The following EPHA6 variants were observed in gnomAD, a reference collection of about 807,000 sequenced individuals.
EPHA6 encodes the protein EPH receptor A6.
EPHA6 carries 50 observed loss-of-function variants against 112.0 expected under a neutral mutation model. The observed-to-expected ratio is 0.45, with a 90% CI of 0.36 to 0.56. EPHA6 has a LOEUF of 0.56. Ranked by LOEUF, EPHA6 falls within the 20% of genes least tolerant of loss-of-function variation. The pLI, the probability that EPHA6 is intolerant of heterozygous loss-of-function variation, is 0.00. For missense variants in EPHA6, 1,280 were observed against 1,417.4 expected (o/e 0.90, Z 1.56); for synonymous variants, 529 against 490.7 (o/e 1.08, Z -1.03).
At chr3:97,415,649 A>C (rs1373163738) in intron 6 of EPHA6, among the ~76,000 whole-genome samples, 1 of 152,098 alleles carries the variant, frequency 6.6e-6, no homozygotes, top group Non-Finnish European at 1.5e-5. Context: ...TTGTTAAAGC[A>C]CTTGTCTTTG....
intron 3 of EPHA6, among the ~76,000 whole-genome samples, chr3:97,180,676 T>C (rs1030739171): frequency 6.6e-6 from 1 of 151,998 alleles, no homozygotes; most frequent in Non-Finnish European, 1.5e-5. Context: ...AATGGGAGAC[T>C]CACAACTCTG....
intron 9 of EPHA6, chr3:97,481,113 G>A: frequency 1.7e-6 from 1 of 576,874 alleles, no homozygotes; most frequent in South Asian, 1.6e-5. Flanking sequence ...ACTTTGGGAG[G>A]CCAAGGCAGG....
intron 3 of EPHA6, among the ~76,000 whole-genome samples, chr3:97,002,576 T>A (rs1301718707): frequency 1.3e-5 from 2 of 151,900 alleles, no homozygotes; most frequent in Non-Finnish European, 2.9e-5. Context: ...ATGTTGAATA[T>A]TATGTATTTT....
chr3:96,912,778 G>A (rs1327769615), intron 2 of EPHA6, among the ~76,000 whole-genome samples: 4 of 151,904 alleles, frequency 2.6e-5, no homozygotes, highest in African/African-American at 9.7e-5. Context: ...ATTTTATAGT[G>A]ATGAGGTCTC....
chr3:96,880,708 C>T (rs573178012), intron 2 of EPHA6, among the ~76,000 whole-genome samples: 42 of 152,190 alleles, frequency 2.8e-4, no homozygotes, highest in African/African-American at 8.4e-4. Flanking sequence ...ACCTCACGCG[C>T]TGGCAAACAC....
rs1209845794 is a variant in EPHA6, at chr3:97,758,890, G to A, written c.*10189G>A. Among the ~76,000 whole-genome samples the A allele has an allele frequency of 6.6e-6, 1 of 151,930 alleles. No individual in the cohort carries two copies. Among genetic ancestry groups the A allele is most frequent in the Non-Finnish European group, 1.5e-5 (1 of 67,848 alleles). On this transcript the variant is annotated 3_prime_UTR_variant, in exon 18 of 18. Coordinates refer to ENST00000389672, the MANE Select transcript of EPHA6 (RefSeq NM_001080448.3). ...AACAGTGTTCTTGGTACACTGAAAT[G>A]AGGCAAAAAGAGGAGAAGGTATACG...
At chr3:97,176,935 T>G (rs2076852435) in intron 3 of EPHA6, among the ~76,000 whole-genome samples, 1 of 151,894 alleles carries the variant, frequency 6.6e-6, no homozygotes, top group African/African-American at 2.4e-5. Flanking sequence ...TTGGGTTTGG[T>G]TTGCTCTTGC....
intron 2 of EPHA6, among the ~76,000 whole-genome samples, chr3:96,948,344 C>T (rs755625712): frequency 1.8e-4 from 28 of 152,144 alleles, no homozygotes; most frequent in Non-Finnish European, 2.9e-4. Flanking sequence ...TTCCTCCACC[C>T]ATATTCCTTT....
chr3:97,007,188 G>GT (rs1400765496), intron 3 of EPHA6, among the ~76,000 whole-genome samples: 1 of 152,032 alleles, frequency 6.6e-6, no homozygotes, highest in Non-Finnish European at 1.5e-5. Context: ...CATCTGTCTA[G>GT]TACTGAGAGT....
intron 5 of EPHA6, among the ~76,000 whole-genome samples, chr3:97,373,895 C>A (rs1027885991): frequency 6.6e-6 from 1 of 151,958 alleles, no homozygotes; most frequent in Non-Finnish European, 1.5e-5. Context: ...TTATATGAAG[C>A]CCTTGCTGGA....
intron 5 of EPHA6, among the ~76,000 whole-genome samples, chr3:97,385,247 T>G (rs1172324428): frequency 6.6e-6 from 1 of 152,202 alleles, no homozygotes; most frequent in African/African-American, 2.4e-5. Flanking sequence ...AGGGTCTTAT[T>G]TAAGTATCTT....
chr3:97,748,074 T>C (rs1454731213), intron 17 of EPHA6, among the ~76,000 whole-genome samples: 3 of 152,094 alleles, frequency 2.0e-5, no homozygotes, highest in Admixed American at 2.0e-4. Flanking sequence ...TCATATTAAA[T>C]TGCCATTGTT....
chr3:97,572,254 C>T (rs1425249923), intron 11 of EPHA6, among the ~76,000 whole-genome samples: 7 of 151,282 alleles, frequency 4.6e-5, no homozygotes, highest in Admixed American at 3.3e-4. Flanking sequence ...AGGTTCATGC[C>T]ATTCTCCCGC....
chr3:97,212,815 C>T (rs1041918676), intron 3 of EPHA6, among the ~76,000 whole-genome samples: 8 of 152,108 alleles, frequency 5.3e-5, no homozygotes, highest in Non-Finnish European at 1.0e-4. Context: ...AATATATATT[C>T]ATTTCAGGAT....
chr3:97,607,275 T>G (rs1236674285), intron 12 of EPHA6, among the ~76,000 whole-genome samples: 1 of 150,986 alleles, frequency 6.6e-6, no homozygotes, highest in East Asian at 1.9e-4. Context: ...TTTGTTTTCT[T>G]TAACAACAGC....
Position 97,748,835 on chromosome 3 carries a change from C to A in EPHA6, c.*134C>A, listed in dbSNP as rs1052506415. On this transcript the variant is annotated 3_prime_UTR_variant, in exon 18 of 18. Transcript: ENST00000389672. The stretch of plus-strand genomic sequence containing the variant: ...CTTCTGTTCAGACTATAGGCACACA[C>A]CTTATGTTTATGCTTCCAACCAGGA... 1.1e-5 allele frequency: 7 copies of A among 628,272 alleles called. No individual in the cohort carries two copies. The Admixed American group carries it at 1.5e-4, about 13-fold the overall frequency. 38.9% of individuals were successfully genotyped at this position (628,272 alleles called of 1,614,324 possible).
chr3:97,699,116 C>T (rs1026934508), intron 14 of EPHA6, among the ~76,000 whole-genome samples: 14 of 152,138 alleles, frequency 9.2e-5, no homozygotes, highest in Admixed American at 7.9e-4. Flanking sequence ...TGCATATAGA[C>T]GAGCAGGGTT....
intron 5 of EPHA6, among the ~76,000 whole-genome samples, chr3:97,357,854 A>G (rs2084164509): frequency 6.6e-6 from 1 of 152,210 alleles, no homozygotes; most frequent in Admixed American, 6.5e-5. Context: ...GTGAAAATAT[A>G]TTTAGTATTC....
intron 14 of EPHA6, among the ~76,000 whole-genome samples, chr3:97,705,413 T>G (rs75824847): frequency 0.016 from 2,458 of 152,230 alleles, 59 homozygotes; most frequent in African/African-American, 0.056. Context: ...GCCTCTCACA[T>G]CTCATGGCAT....
Sources: allele counts gnomAD v4.1 joint callset (sites outside exome capture counted in the v4.1 genomes callset), GRCh38; gene constraint gnomAD v4.1.1; transcripts MANE v1.5; gene names NCBI Gene and HGNC (gene_info 2026-07-23, HGNC 2026-07-21).